The following CDKN2B-AS1 variants were observed in gnomAD, a reference collection of about 807,000 sequenced individuals.
The protein encoded by CDKN2B-AS1 is CDKN2B antisense RNA 1 (non-protein coding).
chr9:22,047,014 C>G (rs751745324), intron 2 of CDKN2B-AS1: 1 of 152,018 alleles, frequency 6.6e-6, no homozygotes. Context: ...TTTGAGCCCT[C>G]GTTTATTTTT....
At chr9:22,077,153 T>A (rs1824527986) in intron 4 of CDKN2B-AS1, among the ~76,000 whole-genome samples, 1 of 152,180 alleles carries the variant, frequency 6.6e-6, no homozygotes, top group African/African-American at 2.4e-5. Flanking sequence ...TATATTTGAC[T>A]TTTAAAAAAA....
intron 4 of CDKN2B-AS1, among the ~76,000 whole-genome samples, chr9:22,078,976 G>C (rs1587502409): frequency 6.6e-6 from 1 of 152,258 alleles, no homozygotes; most frequent in African/African-American, 2.4e-5. Flanking sequence ...ACAGAGAACT[G>C]AAAAAGTCAC....
chr9:22,065,875 T>C (rs1824014632), intron 4 of CDKN2B-AS1: 1 of 152,240 alleles, frequency 6.6e-6, no homozygotes, highest in South Asian at 2.1e-4. Context: ...TGTGATGTAT[T>C]CTTTTTCTAT....
chr9:22,089,536 T>C (rs1425317761), intron 4 of CDKN2B-AS1, among the ~76,000 whole-genome samples: 1 of 152,158 alleles, frequency 6.6e-6, no homozygotes, highest in Non-Finnish European at 1.5e-5. Flanking sequence ...ATTCAAGTGA[T>C]CTTCCCACCT....
In CDKN2B-AS1 at chr9:22,006,201, T is replaced by C; in HGVS notation, n.29+11040T>C. The C allele has an allele frequency of 6.2e-7, 1 of 1,608,624 alleles. No homozygotes were observed. The highest frequency in any genetic ancestry group is 8.5e-7 in the Non-Finnish European group (1 of 1,179,812). On this transcript the variant is annotated intron_variant and non_coding_transcript_variant, in intron 1 of 4. Transcript: ENST00000650946. This position sits in a 1 kb window ranked among gnomAD's most constrained non-coding sequence, Gnocchi z 6.4. ...GTCTGCGCAGTTGGGCTCCGCGCCG[T>C]GGAGCAGCAGCAGCTCCGCCACGCG...
intron 1 of CDKN2B-AS1, among the ~76,000 whole-genome samples, chr9:22,038,593 CTT>C (rs1178178716): frequency 1.3e-5 from 2 of 151,918 alleles, no homozygotes; most frequent in Non-Finnish European, 1.5e-5. Flanking sequence ...TATAATAAAA[CTT>C]TATTCTTTTG....
At chr9:22,092,494 T>C (rs1051763902) in intron 4 of CDKN2B-AS1, 1 of 152,212 alleles carries the variant, frequency 6.6e-6, no homozygotes, top group Non-Finnish European at 1.5e-5. Context: ...ATTGCCTCAA[T>C]TTTAGAGCCT....
chr9:22,054,976 T>G (rs1271348076), intron 3 of CDKN2B-AS1, among the ~76,000 whole-genome samples: 2 of 152,140 alleles, frequency 1.3e-5, no homozygotes, highest in Non-Finnish European at 2.9e-5. Flanking sequence ...GGTCTCGAAC[T>G]CCTGACCTCA....
rs912339997 is a variant in CDKN2B-AS1 at position 22,010,476 on chromosome 9, C to T, written n.29+15315C>T. 7.9e-5 allele frequency among the ~76,000 whole-genome samples: 12 copies of T among 152,228 alleles called. No individual in the cohort carries two copies. In the East Asian group the frequency reaches 1.5e-3, roughly 20 times the overall value. Reference sequence around the variant, plus strand: ...GGAAGACAAAGTCTTAACAGGAGGGCAATTGCTTGTGTATTGCAAAATGAG... The same window carrying T: ...GGAAGACAAAGTCTTAACAGGAGGGTAATTGCTTGTGTATTGCAAAATGAG... On this transcript the variant is annotated intron_variant and non_coding_transcript_variant, in intron 1 of 4. Transcript: ENST00000650946.
At chr9:22,079,115 C>T (rs186279578) in intron 4 of CDKN2B-AS1, among the ~76,000 whole-genome samples, 1 of 152,218 alleles carries the variant, frequency 6.6e-6, no homozygotes, top group East Asian at 1.9e-4. Flanking sequence ...CAGTTTATCA[C>T]AATTAAAAAG....
intron 4 of CDKN2B-AS1, among the ~76,000 whole-genome samples, chr9:22,126,184 G>A (rs1818021454): frequency 6.6e-6 from 1 of 152,148 alleles, no homozygotes; most frequent in South Asian, 2.1e-4. Flanking sequence ...GGCAAAGGCG[G>A]AAGAAAAGCC....
In CDKN2B-AS1 at chr9:22,067,647, T is replaced by C. The variant is rs572458578; in HGVS notation, n.438+11260T>C. Among the ~76,000 whole-genome samples, 4 of 152,292 alleles carry C rather than the reference T, an allele frequency of 2.6e-5. No homozygotes were observed. The South Asian group carries it at 8.3e-4, about 32-fold the overall frequency. On this transcript the variant is annotated intron_variant and non_coding_transcript_variant, in intron 4 of 4. Coordinates refer to ENST00000650946, the Ensembl canonical transcript of CDKN2B-AS1. ...AAAATAAAACATCTTTTTCAAAGTATACAGCCTACAGTGGTTAGCACAGAG... is the reference window on the plus strand; with the variant it reads ...AAAATAAAACATCTTTTTCAAAGTACACAGCCTACAGTGGTTAGCACAGAG...
At chr9:22,008,659 C>T in intron 1 of CDKN2B-AS1, 1 of 1,604,342 alleles carries the variant, frequency 6.2e-7, no homozygotes, top group Non-Finnish European at 8.5e-7. Flanking sequence ...GCCTGTTTTA[C>T]GCGTGGAATG....
chr9:22,120,236 A>G (rs1295938968), intron 4 of CDKN2B-AS1: 1 of 152,198 alleles, frequency 6.6e-6, no homozygotes, highest in African/African-American at 2.4e-5. Flanking sequence ...TGTGGGATGC[A>G]TGAGCTATTG....
intron 4 of CDKN2B-AS1, among the ~76,000 whole-genome samples, chr9:22,111,265 T>C (rs1248582188): frequency 3.3e-5 from 5 of 152,170 alleles, no homozygotes; most frequent in Non-Finnish European, 5.9e-5. Context: ...CAGAGTGAGT[T>C]GGTGGTGAGG....
In CDKN2B-AS1 at chr9:21,997,331, A is replaced by G. The variant is rs1028633253; in HGVS notation, n.29+2170A>G. Among the ~76,000 whole-genome samples, 2 of 152,218 alleles carry G rather than the reference A, an allele frequency of 1.3e-5. No homozygotes were observed. The highest frequency in any genetic ancestry group is 2.9e-5 in the Non-Finnish European group (2 of 68,040). ...TAGGGGATAGGAATTTTTCACATCC[A>G]TTATAATCTTATGGGACACCACCAA... On this transcript the variant is annotated intron_variant and non_coding_transcript_variant, in intron 1 of 4. Coordinates refer to ENST00000650946, the Ensembl canonical transcript of CDKN2B-AS1. The surrounding 1 kb of genome is among the most constrained non-coding windows in gnomAD (Gnocchi z 4.8).
intron 4 of CDKN2B-AS1, chr9:22,121,128 C>T (rs910413941): frequency 6.6e-6 from 1 of 152,016 alleles, no homozygotes; most frequent in African/African-American, 2.4e-5. Context: ...AATACTTTTT[C>T]ACCCCATAAC....
intron 3 of CDKN2B-AS1, among the ~76,000 whole-genome samples, chr9:22,052,596 A>G (rs572070549): frequency 6.6e-6 from 1 of 152,318 alleles, no homozygotes; most frequent in African/African-American, 2.4e-5. Context: ...AGCACTCTTC[A>G]TGAAGAAAAG....
chr9:22,015,217 G>A (rs1441661926), intron 1 of CDKN2B-AS1, among the ~76,000 whole-genome samples: 2 of 152,104 alleles, frequency 1.3e-5, no homozygotes, highest in African/African-American at 4.8e-5. Flanking sequence ...CTAGTTTACA[G>A]TCCCACCAAC....
Sources: gnomAD v4.1 joint callset for allele counts (sites outside exome capture counted in the v4.1 genomes callset) on GRCh38, gnomAD v4.1.1 for gene constraint, Gnocchi (gnomAD v3.1) non-coding constraint, MANE v1.5 for transcripts, NCBI Gene and HGNC (gene_info 2026-07-23, HGNC 2026-07-21) for gene names.